The following PAK5 variants were observed in gnomAD, a reference collection of about 807,000 sequenced individuals.
PAK5 encodes the protein serine/threonine-protein kinase PAK 5.
Under a neutral mutation model 65.9 loss-of-function variants are expected in PAK5, and 16 were observed. The observed-to-expected ratio is 0.24, with a 90% CI of 0.16 to 0.37. PAK5 has a LOEUF of 0.37. Among genes scored for constraint, PAK5 ranks in the 10% least tolerant of loss-of-function variants. The probability of loss-of-function intolerance (pLI) is 1.00; values close to 1 mark genes in which losing one functional copy is unlikely to be tolerated. For missense variants in PAK5, 785 were observed against 903.9 expected, an observed-to-expected ratio of 0.87 and a Z score of 1.69; for synonymous variants, 371 against 354.9, an observed-to-expected ratio of 1.05 and a Z score of -0.51.
Position 9,764,945 on chromosome 20 carries a change from C to T in PAK5, c.-161-53510G>A, listed in dbSNP as rs1024247414. On this transcript the variant is annotated intron_variant, in intron 1 of 9. Transcript: ENST00000353224. ...TATACCCACAGATTTACCAATTGTCCTTGCAGTTGGGAGGGACCCAGTACC... is the reference window on the plus strand; with the variant it reads ...TATACCCACAGATTTACCAATTGTCTTTGCAGTTGGGAGGGACCCAGTACC... 2.0e-5 allele frequency among the ~76,000 whole-genome samples: 3 copies of T among 152,262 alleles called. 1 individual carries two copies. Among genetic ancestry groups the T allele is most frequent in the Middle Eastern group, 6.8e-3 (2 of 294 alleles).
At chr20:9,660,542 A>G (rs2047331059) in intron 2 of PAK5, among the ~76,000 whole-genome samples, 1 of 152,040 alleles carries the variant, frequency 6.6e-6, no homozygotes, top group African/African-American at 2.4e-5. Context: ...ATATTAGAAG[A>G]TGATAAGGCC....
chr20:9,570,484 G>A (rs1298410963), intron 4 of PAK5, among the ~76,000 whole-genome samples: 2 of 152,260 alleles, frequency 1.3e-5, no homozygotes, highest in Middle Eastern at 3.4e-3. Context: ...GTGTGTGTAT[G>A]ATGGAATGGG....
chr20:9,736,021 C>A (rs947024084), intron 1 of PAK5, among the ~76,000 whole-genome samples: 1 of 151,630 alleles, frequency 6.6e-6, no homozygotes, highest in African/African-American at 2.4e-5. Flanking sequence ...CCTGCCTCAG[C>A]CTCCCGAGTA....
intron 3 of PAK5, among the ~76,000 whole-genome samples, chr20:9,639,011 T>C (rs1367455255): frequency 6.6e-6 from 1 of 152,196 alleles, no homozygotes; most frequent in African/African-American, 2.4e-5. Flanking sequence ...GTTGGTTCTA[T>C]TTAACTTAAA....
intron 7 of PAK5, among the ~76,000 whole-genome samples, chr20:9,545,492 A>C (rs1298327088): frequency 3.9e-5 from 6 of 152,184 alleles, no homozygotes; most frequent in Non-Finnish European, 5.9e-5. Context: ...AAGTGAAAAA[A>C]TTTTTAAAGG....
At chr20:9,567,485 C>A (rs374744810) in intron 4 of PAK5, among the ~76,000 whole-genome samples, 1 of 152,316 alleles carries the variant, frequency 6.6e-6, no homozygotes. Flanking sequence ...TTCTCAATCA[C>A]ACTAGTCACA....
rs555541195 is a variant in PAK5 at position 9,828,124 on chromosome 20, C to T, written c.-162+10638G>A. Among the ~76,000 whole-genome samples, 129 of 152,242 alleles carry T rather than the reference C, an allele frequency of 8.5e-4. 1 individual carries two copies. In the Middle Eastern group the frequency reaches 0.017, roughly 20 times the overall value. On this transcript the variant is annotated intron_variant, in intron 1 of 9. Transcript: ENST00000353224. ...TGCTGGGATTACAGGCGTGAGCCAC[C>T]GCGCCCAGCCAAGTTGCAATTTAGA...
At chr20:9,634,003 T>C (rs1334989108) in intron 3 of PAK5, among the ~76,000 whole-genome samples, 1 of 152,212 alleles carries the variant, frequency 6.6e-6, no homozygotes, top group African/African-American at 2.4e-5. Context: ...GAGGGCCACA[T>C]GCCTTTTTTC....
At chr20:9,834,341 A>T (rs1200031925) in intron 1 of PAK5, among the ~76,000 whole-genome samples, 3 of 152,222 alleles carry the variant, frequency 2.0e-5, no homozygotes, top group Admixed American at 1.3e-4. Context: ...TCTGAATGAG[A>T]GACATTAAGT....
chr20:9,782,003 C>T (rs2048945546), intron 1 of PAK5, among the ~76,000 whole-genome samples: 1 of 152,132 alleles, frequency 6.6e-6, no homozygotes, highest in South Asian at 2.1e-4. Context: ...CCCTACATGT[C>T]CCTCAGAGTA....
intron 2 of PAK5, among the ~76,000 whole-genome samples, chr20:9,675,930 T>C (rs1426191233): frequency 6.6e-6 from 1 of 152,214 alleles, no homozygotes; most frequent in African/African-American, 2.4e-5. Flanking sequence ...TAATTGTAAA[T>C]TGGTAAAGTA....
At chr20:9,621,078 C>CTTGA (rs1569004071) in intron 3 of PAK5, among the ~76,000 whole-genome samples, 1 of 151,756 alleles carries the variant, frequency 6.6e-6, no homozygotes, top group Admixed American at 6.6e-5. Context: ...GCAACAAGAG[C>CTTGA]ATCTCTGTTG....
chr20:9,644,395 A>C, intron 2 of PAK5, 56 bp from the exon 3 acceptor site: 1 of 1,131,756 alleles, frequency 8.8e-7, no homozygotes, highest in Non-Finnish European at 1.3e-6. Context: ...GCAGAAGACC[A>C]GGAGAAAGCT....
chr20:9,621,521 GAA>G (rs1161378964), intron 3 of PAK5, among the ~76,000 whole-genome samples: 49 of 143,680 alleles, frequency 3.4e-4, no homozygotes, highest in Non-Finnish European at 6.4e-4. Context: ...GGGCTGATTT[GAA>G]AAAAAAAAAA....
At chr20:9,713,113 A>G (rs1252666365) in intron 1 of PAK5, among the ~76,000 whole-genome samples, 3 of 152,150 alleles carry the variant, frequency 2.0e-5, no homozygotes, top group Non-Finnish European at 4.4e-5. Context: ...TTTGCAAACC[A>G]TCCATCTGAC....
intron 1 of PAK5, among the ~76,000 whole-genome samples, chr20:9,781,095 T>C (rs1765231055): frequency 1.3e-5 from 2 of 152,174 alleles, no homozygotes; most frequent in Admixed American, 1.3e-4. Flanking sequence ...TATTTATCAA[T>C]ACAACTGTAT....
intron 3 of PAK5, among the ~76,000 whole-genome samples, chr20:9,586,943 A>G (rs16996116): frequency 0.029 from 4,350 of 152,268 alleles, 64 homozygotes; most frequent in Middle Eastern, 0.044. Flanking sequence ...AGCACTTATG[A>G]GATAGGTAAT....
chr20:9,585,376 T>A (rs376610844), intron 3 of PAK5, among the ~76,000 whole-genome samples: 37 of 152,330 alleles, frequency 2.4e-4, no homozygotes, highest in African/African-American at 8.7e-4. Context: ...AACCCAAGTC[T>A]CCTTTCTCCC....
intron 3 of PAK5, among the ~76,000 whole-genome samples, chr20:9,637,954 G>T (rs2047002872): frequency 6.6e-6 from 1 of 152,048 alleles, no homozygotes; most frequent in South Asian, 2.1e-4. Flanking sequence ...TCATTATGTT[G>T]TGGCTTTAGT....
Sources: allele counts gnomAD v4.1 joint callset (sites outside exome capture counted in the v4.1 genomes callset), GRCh38; gene constraint gnomAD v4.1.1; transcripts MANE v1.5; gene names NCBI Gene and HGNC (gene_info 2026-07-23, HGNC 2026-07-21).